The following BUD31 variants were observed in gnomAD, a reference collection of about 807,000 sequenced individuals.
BUD31 encodes BUD31 spliceosome associated protein, also known as protein BUD31 homolog.
Under a neutral mutation model 17.9 loss-of-function variants are expected in BUD31, and 9 were observed. That is an observed-to-expected ratio of 0.50 (90% CI 0.30 to 0.88). The LOEUF (loss-of-function observed/expected upper bound fraction) is 0.88. Ranked by LOEUF, BUD31 falls within the 40% of genes least tolerant of loss-of-function variation. BUD31 has a pLI of 0.06. For synonymous variants in BUD31, 70 were observed against 64.7 expected (o/e 1.08, Z -0.39); for missense variants, 148 against 184.5 (o/e 0.80, Z 1.15).
rs1289587591 is a variant in BUD31, at chr7:99,417,431, C to CT, written c.221dup (p.Tyr75LeufsTer2). On this transcript the variant is annotated frameshift_variant, in exon 5 of 6. Transcript: ENST00000222969. LOFTEE classifies it high-confidence loss of function. ...CTCTTTCCCCATCTTTTTGACAGAA[C>CT]TCTATGAATATTGTATTAAAGAAGG... The CT allele has an allele frequency of 5.0e-6, 8 of 1,613,732 alleles. No homozygotes were observed. Among genetic ancestry groups the CT allele is most frequent in the Non-Finnish European group, 6.8e-6 (8 of 1,179,872 alleles).
chr7:99,413,774 T>G (rs1225310633), intron 3 of BUD31, among the ~76,000 whole-genome samples: 1 of 152,172 alleles, frequency 6.6e-6, no homozygotes, highest in Non-Finnish European at 1.5e-5. Flanking sequence ...GTATTTTCAG[T>G]AGAGACAGTG....
rs115577286 is a variant in BUD31, at chr7:99,416,383, G to C, written c.217+123G>C. ...GTTTTTCTTACCACGAAAATTAGGG[G>C]GAGCCAACGTTGGCTGAGTTTTGTG... On this transcript the variant is annotated intron_variant, in intron 4 of 5. Transcript: ENST00000222969. The C allele has an allele frequency of 3.0e-3, 3,900 of 1,312,226 alleles. 50 individuals carry two copies. In the African/African-American group the frequency reaches 0.039, roughly 13 times the overall value. 81.3% of individuals were successfully genotyped at this position (1,312,226 alleles called of 1,614,324 possible).
intron 3 of BUD31, 66 bp from the exon 4 acceptor site, chr7:99,416,070 ACT>A (rs1476247547): frequency 1.9e-6 from 3 of 1,583,880 alleles, no homozygotes; most frequent in Non-Finnish European, 2.6e-6. Flanking sequence ...ATCAGTAGTT[ACT>A]TACAAAAAGA....
rs749227402 is a variant in BUD31, at chr7:99,411,056, T to A, written c.-29-8T>A. 6 of 1,569,026 alleles carry A rather than the reference T, an allele frequency of 3.8e-6. No individual in the cohort carries two copies. The highest frequency in any genetic ancestry group is 5.3e-6 in the Non-Finnish European group (6 of 1,142,420). ...AGACTCAGAAACCAATTCATTTTTTTCCCCCAGATCTTTGCAGATTATCCT... is the reference window on the plus strand; with the variant it reads ...AGACTCAGAAACCAATTCATTTTTTACCCCCAGATCTTTGCAGATTATCCT... On this transcript the variant is annotated splice_region_variant and splice_polypyrimidine_tract_variant and intron_variant, in intron 2 of 5. Transcript: ENST00000222969.
chr7:99,410,522 G>A (rs1252115097), intron 2 of BUD31, among the ~76,000 whole-genome samples: 1 of 151,560 alleles, frequency 6.6e-6, no homozygotes, highest in African/African-American at 2.4e-5. Flanking sequence ...TTACAGGCAT[G>A]AGCCACCGTG....
Position 99,419,530 on chromosome 7 carries a change from G to T in BUD31, c.*89G>T. ...CCTGGGAGCAGCGAGCAGTGCCCCA[G>T]GCCCGAGTTGGAGCACGGTCTCTAT... On this transcript the variant is annotated 3_prime_UTR_variant, in exon 6 of 6. Transcript: ENST00000222969. The T allele has an allele frequency of 6.8e-7, 1 of 1,472,810 alleles. No homozygotes were observed. 91.2% of individuals were successfully genotyped at this position (1,472,810 alleles called of 1,614,324 possible).
At chr7:99,416,496 T>C (rs1440777200) in intron 4 of BUD31, among the ~76,000 whole-genome samples, 1 of 152,056 alleles carries the variant, frequency 6.6e-6, no homozygotes, top group Non-Finnish European at 1.5e-5. Context: ...CTTGGCTCAC[T>C]GCAAGCTCCA....
intron 3 of BUD31, among the ~76,000 whole-genome samples, chr7:99,411,535 C>T (rs1795183357): frequency 6.6e-6 from 1 of 152,040 alleles, no homozygotes; most frequent in Non-Finnish European, 1.5e-5. Flanking sequence ...TATTCCTTTT[C>T]AGTATCATCG....
Position 99,419,372 on chromosome 7 carries a change from C to T in BUD31, c.385-19C>T. 6.2e-7 allele frequency: 1 copy of T among 1,612,864 alleles called. No individual in the cohort carries two copies. Among genetic ancestry groups the T allele is most frequent in the Non-Finnish European group, 8.5e-7 (1 of 1,179,978 alleles). ...AGCGTGGCGCAGTGGCATCGTCTCA[C>T]TGTCCTCCTCCGTTGCAGGGCCGCA... is the stretch of plus-strand genomic sequence containing the variant. On this transcript the variant is annotated intron_variant, in intron 5 of 5. Transcript: ENST00000222969.
chr7:99,416,139 T>G lies in BUD31; in HGVS notation c.96T>G (p.Ala32=). 6.2e-7 allele frequency: 1 copy of G among 1,613,258 alleles called. No homozygotes were observed. The highest frequency in any genetic ancestry group is 1.1e-5 in the South Asian group (1 of 91,066). Residue 32 remains alanine, a splice_region_variant and synonymous_variant, in exon 4 of 6, where the codon GCT becomes GCG. Coordinates refer to ENST00000222969, the MANE Select transcript of BUD31 (RefSeq NM_003910.4). ...AACACACTCTTTGTTTCTCCCCAGC[T>G]GAAACAGAACCGCATGAGGGAAAGA... ...LDELDQKMRE[A]ETEPHEGKRK...
At chr7:99,417,024 TG>T in intron 4 of BUD31, 1 of 165,282 alleles carries the variant, frequency 6.1e-6, no homozygotes, top group Admixed American at 5.8e-5. Context: ...TTTTTTTTTT[TG>T]TTCCTCCTCC....
At chr7:99,414,662 T>C (rs542316135) in intron 3 of BUD31, among the ~76,000 whole-genome samples, 8 of 152,110 alleles carry the variant, frequency 5.3e-5, no homozygotes, top group Non-Finnish European at 1.2e-4. Flanking sequence ...AGTGGTGTGA[T>C]CTCAGCTCAC....
intron 3 of BUD31, among the ~76,000 whole-genome samples, chr7:99,412,923 C>T (rs1446881245): frequency 4.6e-5 from 7 of 152,004 alleles, no homozygotes; most frequent in African/African-American, 9.7e-5. Context: ...GCCCGACCAA[C>T]GCTTGGCTAA....
intron 3 of BUD31, chr7:99,411,754 C>T (rs1308408812): frequency 4.4e-6 from 2 of 454,554 alleles, no homozygotes; most frequent in Non-Finnish European, 8.8e-6. Flanking sequence ...TTCCAGGCTG[C>T]AGTGCAGTGG....
intron 3 of BUD31, chr7:99,415,049 G>C (rs1795341043): frequency 3.4e-6 from 1 of 297,206 alleles, no homozygotes; most frequent in East Asian, 1.1e-4. Flanking sequence ...GTCATCTGTA[G>C]GGTCCAGCCC....
Position 99,419,507 on chromosome 7 carries a change from T to G in BUD31, c.*66T>G, listed in dbSNP as rs1795701123. On this transcript the variant is annotated 3_prime_UTR_variant, in exon 6 of 6. Transcript: ENST00000222969. ...CCTGCCTGTCACGCCACCCCCTTCC[T>G]GGGAGCAGCGAGCAGTGCCCCAGGC... is the stretch of plus-strand genomic sequence containing the variant. 6.3e-7 allele frequency: 1 copy of G among 1,586,866 alleles called. No homozygotes were observed. The highest frequency in any genetic ancestry group is 1.7e-5 in the Admixed American group (1 of 59,864).
At position 99,411,171 on chromosome 7, in the gene BUD31, C is replaced by A; in HGVS notation, c.79C>A (p.Gln27Lys). Residue 27 changes from glutamine (Q) to lysine (K), a missense_variant, in exon 3 of 6, where the codon CAA (glutamine) becomes AAA (lysine). Coordinates refer to ENST00000222969, the MANE Select transcript of BUD31 (RefSeq NM_003910.4). ...TGAGCCAACACTGGATGAATTAGAT[C>A]AAAAGATGAGAGAAGGTGAGTAGGG... ...LIEPTLDELD[Q>K]KMREAETEPH... The A allele has an allele frequency of 6.2e-7, 1 of 1,613,848 alleles. No homozygotes were observed. Among genetic ancestry groups the A allele is most frequent in the South Asian group, 1.1e-5 (1 of 90,996 alleles).
In BUD31 at chr7:99,419,510, G is replaced by A; in HGVS notation, c.*69G>A. 1 of 1,574,624 alleles carries A rather than the reference G, an allele frequency of 6.4e-7. No individual in the cohort carries two copies. Among genetic ancestry groups the A allele is most frequent in the Non-Finnish European group, 8.7e-7 (1 of 1,153,246 alleles). Reference sequence around the variant, plus strand: ...GCCTGTCACGCCACCCCCTTCCTGGGAGCAGCGAGCAGTGCCCCAGGCCCG... The same window carrying A: ...GCCTGTCACGCCACCCCCTTCCTGGAAGCAGCGAGCAGTGCCCCAGGCCCG... On this transcript the variant is annotated 3_prime_UTR_variant, in exon 6 of 6. Coordinates refer to ENST00000222969, the MANE Select transcript of BUD31 (RefSeq NM_003910.4).
chr7:99,417,676 T>C, intron 5 of BUD31, 81 bp downstream of exon 5: 1 of 1,575,434 alleles, frequency 6.3e-7, no homozygotes, highest in Non-Finnish European at 8.6e-7. Flanking sequence ...TTATGTTATT[T>C]GGTTGGGCTG....
Sources: gnomAD v4.1 joint callset for allele counts (sites outside exome capture counted in the v4.1 genomes callset) on GRCh38, gnomAD v4.1.1 for gene constraint, MANE v1.5 for transcripts, NCBI Gene and HGNC (gene_info 2026-07-23, HGNC 2026-07-21) for gene names.